Variants in MTA3 observed in about 807,000 individuals in gnomAD.
The protein encoded by MTA3 is metastasis-associated protein MTA3.
A neutral mutation model predicts 83.5 loss-of-function variants in MTA3; 34 were observed. The observed-to-expected ratio is 0.41, with a 90% CI of 0.31 to 0.54. The LOEUF (loss-of-function observed/expected upper bound fraction) is 0.54, where lower values mean the gene tolerates loss of function less well. Among genes scored for constraint, MTA3 ranks in the 20% least tolerant of loss-of-function variants. The pLI is 0.33. For synonymous variants in MTA3, 303 were observed against 252.7 expected, an observed-to-expected ratio of 1.20 and a Z score of -1.89; for missense variants, 761 against 726.4, an observed-to-expected ratio of 1.05 and a Z score of -0.55.
chr2:42,746,930 C>T (rs1017760252), intron 16 of MTA3, among the ~76,000 whole-genome samples: 2 of 151,204 alleles, frequency 1.3e-5, no homozygotes, highest in Non-Finnish European at 2.9e-5. Flanking sequence ...TGTGATTGGA[C>T]AAAAAGGGTA....
chr2:42,693,924 A>G (rs1036232725), intron 9 of MTA3, among the ~76,000 whole-genome samples: 3 of 151,700 alleles, frequency 2.0e-5, no homozygotes, highest in African/African-American at 7.3e-5. Flanking sequence ...ACTACTACCC[A>G]GGCATTGCTG....
rs187405073 is a variant in MTA3, at chr2:42,569,615, G to A, written c.29-822G>A. On this transcript the variant is annotated intron_variant, in intron 1 of 16. Coordinates refer to ENST00000405094, the MANE Select transcript of MTA3 (RefSeq NM_001330442.2). Reference sequence around the variant, plus strand: ...CTAAATGAGGCCACTTTGCAGAAGAGAGCGGCGAAAGAGCCACTAAGATAG... The same window carrying A: ...CTAAATGAGGCCACTTTGCAGAAGAAAGCGGCGAAAGAGCCACTAAGATAG... 1.1e-3 allele frequency: 175 copies of A among 152,298 alleles called. 1 individual carries two copies. Among genetic ancestry groups the A allele is most frequent in the African/African-American group, 4.0e-3 (168 of 41,566 alleles). 9.4% of individuals were successfully genotyped at this position (152,298 alleles called of 1,614,324 possible).
chr2:42,536,640 A>T (rs1252234650), intron 2 of MTA3, among the ~76,000 whole-genome samples: 1 of 152,090 alleles, frequency 6.6e-6, no homozygotes, highest in Non-Finnish European at 1.5e-5. Flanking sequence ...CAGGCGGATC[A>T]CGAGGTCAGG....
chr2:42,538,546 A>G (rs1266130530), intron 2 of MTA3, among the ~76,000 whole-genome samples: 1 of 151,846 alleles, frequency 6.6e-6, no homozygotes, highest in Non-Finnish European at 1.5e-5. Flanking sequence ...CATCTCTACT[A>G]AAACTACAAA....
chr2:42,499,663 C>T (rs150817503), intron 2 of MTA3, among the ~76,000 whole-genome samples: 2,226 of 151,472 alleles, frequency 0.015, 46 homozygotes, highest in African/African-American at 0.051. Flanking sequence ...TGATGCATGC[C>T]TGTAATCCCA....
At chr2:42,746,445 A>C (rs1669438400) in intron 16 of MTA3, among the ~76,000 whole-genome samples, 1 of 152,168 alleles carries the variant, frequency 6.6e-6, no homozygotes, top group African/African-American at 2.4e-5. Flanking sequence ...CCAAGCAAGC[A>C]ATCAGTTTTG....
chr2:42,747,006 GTT>G (rs35260742), intron 16 of MTA3, among the ~76,000 whole-genome samples: 6 of 144,572 alleles, frequency 4.2e-5, no homozygotes, highest in African/African-American at 7.6e-5. Flanking sequence ...TTCTAATTTT[GTT>G]TTTTTTTTTT....
chr2:42,741,559 T>C (rs1484038141), intron 16 of MTA3, among the ~76,000 whole-genome samples: 2 of 152,196 alleles, frequency 1.3e-5, no homozygotes, highest in Non-Finnish European at 2.9e-5. Context: ...AGGTTATTAA[T>C]TGGCCTAATT....
chr2:42,711,175 T>C (rs1666579597), intron 14 of MTA3, among the ~76,000 whole-genome samples: 1 of 152,222 alleles, frequency 6.6e-6, no homozygotes, highest in South Asian at 2.1e-4. Context: ...GTATCATCTT[T>C]GTCCTAGGAC....
rs764720267 is a variant in MTA3, at chr2:42,707,897, C to T, written c.1151-6C>T. On this transcript the variant is annotated splice_polypyrimidine_tract_variant and splice_region_variant and intron_variant, in intron 12 of 16. Transcript: ENST00000405094. ...TTCGTTTTTTCTTATTTTTCTTCTG[C>T]TTTAGCTACACAGTCTCACCAGTGG... 3 of 1,531,636 alleles carry T rather than the reference C, an allele frequency of 2.0e-6. No homozygotes were observed. The highest frequency in any genetic ancestry group is 2.5e-5 in the South Asian group (2 of 78,694). 94.9% of individuals were successfully genotyped at this position (1,531,636 alleles called of 1,614,324 possible).
chr2:42,664,156 C>T (rs879789237), intron 8 of MTA3, among the ~76,000 whole-genome samples: 18 of 152,150 alleles, frequency 1.2e-4, no homozygotes, highest in African/African-American at 3.6e-4. Flanking sequence ...TGAGGCAGCA[C>T]TGAAGAAGAT....
At chr2:42,746,936 G>A (rs1461915653) in intron 16 of MTA3, among the ~76,000 whole-genome samples, 1 of 152,140 alleles carries the variant, frequency 6.6e-6, no homozygotes, top group Non-Finnish European at 1.5e-5. Flanking sequence ...TGGACAAAAA[G>A]GGTATGATCT....
intron 3 of MTA3, among the ~76,000 whole-genome samples, chr2:42,588,812 A>G (rs1224567949): frequency 1.3e-5 from 2 of 152,104 alleles, no homozygotes; most frequent in Non-Finnish European, 2.9e-5. Flanking sequence ...TTATACATAT[A>G]TATATATGCT....
chr2:42,541,773 G>C (rs1016394404), intron 2 of MTA3, among the ~76,000 whole-genome samples: 7 of 152,164 alleles, frequency 4.6e-5, no homozygotes, highest in African/African-American at 1.7e-4. Context: ...CCAGTCCTAA[G>C]GATATGCTCC....
chr2:42,669,724 A>G (rs1690625786), intron 8 of MTA3, among the ~76,000 whole-genome samples: 1 of 152,190 alleles, frequency 6.6e-6, no homozygotes, highest in African/African-American at 2.4e-5. Context: ...TGTGTGTTTT[A>G]TGGTCTATTA....
chr2:42,667,132 C>T (rs1005998324), intron 8 of MTA3, among the ~76,000 whole-genome samples: 5 of 152,086 alleles, frequency 3.3e-5, no homozygotes, highest in African/African-American at 9.7e-5. Context: ...CAGATTTGAA[C>T]TTCTGGGATC....
intron 3 of MTA3, among the ~76,000 whole-genome samples, chr2:42,593,480 T>G (rs1681292943): frequency 6.6e-6 from 1 of 152,256 alleles, no homozygotes; most frequent in African/African-American, 2.4e-5. Context: ...GTAGGTTTGT[T>G]TATACCAGTA....
chr2:42,705,284 AG>A (rs1483005415), intron 12 of MTA3, among the ~76,000 whole-genome samples: 2 of 152,252 alleles, frequency 1.3e-5, no homozygotes, highest in African/African-American at 2.4e-5. Flanking sequence ...TTTTTAGGTC[AG>A]GCTTTTACAT....
intron 10 of MTA3, among the ~76,000 whole-genome samples, chr2:42,696,430 G>A (rs1426446919): frequency 6.6e-6 from 1 of 152,048 alleles, no homozygotes; most frequent in African/African-American, 2.4e-5. Context: ...TATTACCTCT[G>A]GGGAAAGGCA....
Sources: gnomAD v4.1 joint callset for allele counts (sites outside exome capture counted in the v4.1 genomes callset) on GRCh38, gnomAD v4.1.1 for gene constraint, MANE v1.5 for transcripts, NCBI Gene and HGNC (gene_info 2026-07-23, HGNC 2026-07-21) for gene names.